Variants in CELSR2 observed in about 807,000 individuals in gnomAD.
CELSR2 encodes cadherin EGF LAG seven-pass G-type receptor 2, also known as EGF-like protein 2.
A neutral mutation model predicts 251.6 loss-of-function variants in CELSR2; 81 were observed. That is an observed-to-expected ratio of 0.32 (90% CI 0.27 to 0.39). CELSR2 has a LOEUF of 0.39. CELSR2 is among the 10% of genes least tolerant of loss of function. CELSR2 has a pLI of 1.00. For missense variants in CELSR2, 3,365 were observed against 3,947.7 expected, an observed-to-expected ratio of 0.85 and a Z score of 3.96; for synonymous variants, 1,721 against 1,670.5, an observed-to-expected ratio of 1.03 and a Z score of -0.74.
chr1:109,263,269 TAG>T lies in CELSR2; in HGVS notation c.4834+3_4834+4del, dbSNP rs750793029. The T allele has an allele frequency of 1.3e-6, 2 of 1,571,394 alleles. No homozygotes were observed. Among genetic ancestry groups the T allele is most frequent in the Non-Finnish European group, 1.7e-6 (2 of 1,151,540 alleles). ...TTGGGGGCAAGAGCTGCGCCCAGGG[TAG>T]GAGGGGCGGCTGTTAGAGGCCACAG... On this transcript the variant is annotated splice_donor_region_variant and intron_variant, in intron 8 of 33. Transcript: ENST00000271332.
rs1656428716 is a variant in CELSR2, at chr1:109,273,341, G to A, written c.8509+5G>A. ...CTTCTGCCCAGCCTCACAAAGGTGA[G>A]TGGGGCACCCCCAGCTGCCGAGCTC... On this transcript the variant is annotated splice_donor_5th_base_variant and intron_variant, in intron 32 of 33. Transcript: ENST00000271332. 2 of 1,600,642 alleles carry A rather than the reference G, an allele frequency of 1.2e-6. No individual in the cohort carries two copies. The highest frequency in any genetic ancestry group is 2.2e-5 in the South Asian group (2 of 88,980).
In CELSR2 at chr1:109,261,853, G is replaced by C; in HGVS notation, c.4343G>C (p.Ser1448Thr). The change falls in exon 5 of 34, where the codon AGT (serine) becomes ACT (threonine). Residue 1448 changes from serine (S) to threonine (T), a missense_variant. Physicochemically the swap from Ser to Thr is moderately conservative, Grantham distance 58. Around this residue, in one of 5 missense-constraint regions of CELSR2, gnomAD observed 2,093 missense variants for 2,382.8 expected, o/e 0.88. Transcript: ENST00000271332. This position sits in a 1 kb window ranked among gnomAD's most constrained non-coding sequence, Gnocchi z 4.8. Reference protein sequence around the residue: ...TVSPFVPGGVSDGQWHTVQLK... With the variant: ...TVSPFVPGGVTDGQWHTVQLK... ...TCCCCATTCGTGCCCGGAGGAGTCAGTGATGGCCAGTGGCATACGGTGCAG... is the reference window on the plus strand; with the variant it reads ...TCCCCATTCGTGCCCGGAGGAGTCACTGATGGCCAGTGGCATACGGTGCAG... 1 of 1,593,268 alleles carries C rather than the reference G, an allele frequency of 6.3e-7. No individual in the cohort carries two copies. Among genetic ancestry groups the C allele is most frequent in the Non-Finnish European group, 8.6e-7 (1 of 1,168,240 alleles).
rs1415287968 is a variant in CELSR2, at chr1:109,251,436, A to G, written c.1357A>G (p.Thr453Ala). 2 of 1,613,754 alleles carry G rather than the reference A, an allele frequency of 1.2e-6. No individual in the cohort carries two copies. Among genetic ancestry groups the G allele is most frequent in the Non-Finnish European group, 1.7e-6 (2 of 1,180,046 alleles). The stretch of plus-strand genomic sequence containing the variant: ...GGGACAGTTTTATCTGGATGCCCAG[A>G]CTGGAGCTCTGGATGTGGTGAGCCC... ...ARGQFYLDAQ[T>A]GALDVVSPLD... The change falls in exon 1 of 34, where the codon ACT becomes GCT. Residue 453 changes from threonine (T) to alanine (A), a missense_variant. Transcript: ENST00000271332. The surrounding 1 kb of genome is among the most constrained non-coding windows in gnomAD (Gnocchi z 4.9).
intron 12 of CELSR2, 43 bp downstream of exon 12, chr1:109,265,052 T>C: frequency 6.2e-7 from 1 of 1,613,112 alleles, no homozygotes; most frequent in Non-Finnish European, 8.5e-7. Flanking sequence ...CAGTGGCTGC[T>C]GCTTCTCTCT....
In CELSR2 at chr1:109,271,164, G is replaced by T. The variant is rs1282068672; in HGVS notation, c.7597-53G>T. The stretch of plus-strand genomic sequence containing the variant: ...TGAGGCCACGGGGCCCTGTGGGCTG[G>T]GTGGAAGCTGTTTGTCCCCACTGAG... On this transcript the variant is annotated intron_variant, in intron 25 of 33. Coordinates refer to ENST00000271332, the MANE Select transcript of CELSR2 (RefSeq NM_001408.3). The T allele has an allele frequency of 2.5e-6, 4 of 1,576,038 alleles. No homozygotes were observed. The East Asian group carries it at 9.0e-5, about 35-fold the overall frequency.
chr1:109,251,958 A>C lies in CELSR2; in HGVS notation c.1879A>C (p.Thr627Pro). The change falls in exon 1 of 34, where the codon ACC (threonine) becomes CCC (proline). Residue 627 changes from threonine (T) to proline (P), a missense_variant. Physicochemically the swap from Thr to Pro is conservative, Grantham distance 38 (BLOSUM62 -1). Coordinates refer to ENST00000271332, the MANE Select transcript of CELSR2 (RefSeq NM_001408.3). This position sits in a 1 kb window ranked among gnomAD's most constrained non-coding sequence, Gnocchi z 4.9. The stretch of plus-strand genomic sequence containing the variant: ...GCTCAATGAGGATGCAGCTGTGGGC[A>C]CCAGCGTGGTGACGGTGTCAGCTGT... ...VRLNEDAAVG[T>P]SVVTVSAVDR... 1 of 1,614,146 alleles carries C rather than the reference A, an allele frequency of 6.2e-7. No individual in the cohort carries two copies. Among genetic ancestry groups the C allele is most frequent in the Non-Finnish European group, 8.5e-7 (1 of 1,180,028 alleles).
Position 109,274,871 on chromosome 1 carries a change from C to T in CELSR2, c.*822C>T, listed in dbSNP as rs891744653. On this transcript the variant is annotated 3_prime_UTR_variant, in exon 34 of 34. Transcript: ENST00000271332. ...CTTCATTTTTCGTGCCCGCCCCGCG[C>T]CCCGGGCAGGCCAGTCATGTGTTAA... 1.3e-5 allele frequency: 2 copies of T among 151,336 alleles called. No homozygotes were observed. Among genetic ancestry groups the T allele is most frequent in the African/African-American group, 4.9e-5 (2 of 40,962 alleles). The allele number at this position is 151,336 out of a possible 1,614,324, so 9.4% of individuals were successfully genotyped here.
At position 109,261,973 on chromosome 1, in the gene CELSR2, T is replaced by A. The variant is rs1012630039; in HGVS notation, c.4386+77T>A. 3.5e-6 allele frequency: 5 copies of A among 1,441,656 alleles called. No homozygotes were observed. In the African/African-American group the frequency reaches 5.6e-5, roughly 16 times the overall value. The allele number at this position is 1,441,656 out of a possible 1,614,324, so 89.3% of individuals were successfully genotyped here. A position where few individuals can be genotyped will look rare whatever the true frequency, so the allele number is the denominator to read the frequency against. On this transcript the variant is annotated intron_variant, in intron 5 of 33. Coordinates refer to ENST00000271332, the MANE Select transcript of CELSR2 (RefSeq NM_001408.3). The surrounding 1 kb of genome is among the most constrained non-coding windows in gnomAD (Gnocchi z 4.8). The stretch of plus-strand genomic sequence containing the variant: ...TTACCCAGCCCTGAGTGGCATTGCC[T>A]CCAGGCTTGGGTGGGCTGGTCAGGG...
chr1:109,271,257 G>A lies in CELSR2; in HGVS notation c.7637G>A (p.Cys2546Tyr), dbSNP rs748288586. ...TACATCCTGGCGGCCCGGGCCTCCT[G>A]TGCTGCCCAGCGGCAGGGCTTTGAG... ...FLYILAARASCAAQRQGFEKK... is the reference protein window; with the variant it reads ...FLYILAARASYAAQRQGFEKK... The change falls in exon 26 of 34, where the codon TGT (cysteine) becomes TAT (tyrosine). Residue 2546 changes from cysteine (C) to tyrosine (Y), a missense_variant. Cys to Tyr is a radical substitution (Grantham distance 194, BLOSUM62 -2). Around this residue, in one of 5 missense-constraint regions of CELSR2, gnomAD observed 2,093 missense variants for 2,382.8 expected, o/e 0.88. Coordinates refer to ENST00000271332, the MANE Select transcript of CELSR2 (RefSeq NM_001408.3). 6.2e-7 allele frequency: 1 copy of A among 1,614,074 alleles called. No homozygotes were observed.
Position 109,271,199 on chromosome 1 carries a change from C to CCCTCTGCCCCTG in CELSR2, c.7597-14_7597-3dup, listed in dbSNP as rs778878271. 2 of 1,611,976 alleles carry CCCTCTGCCCCTG rather than the reference C, an allele frequency of 1.2e-6. No homozygotes were observed. Among genetic ancestry groups the CCCTCTGCCCCTG allele is most frequent in the South Asian group, 2.2e-5 (2 of 91,030 alleles). On this transcript the variant is annotated splice_polypyrimidine_tract_variant and intron_variant, in intron 25 of 33. Coordinates refer to ENST00000271332, the MANE Select transcript of CELSR2 (RefSeq NM_001408.3). ...GTTTGTCCCCACTGAGCACCCCATG[C>CCCTCTGCCCCTG]CCTCTGCCCCTGCCTAGATGAGTGT...
Position 109,261,188 on chromosome 1 carries a change from A to C in CELSR2, c.4105A>C (p.Thr1369Pro). 6.2e-7 allele frequency: 1 copy of C among 1,614,114 alleles called. No individual in the cohort carries two copies. Among genetic ancestry groups the C allele is most frequent in the Non-Finnish European group, 8.5e-7 (1 of 1,180,016 alleles). The change falls in exon 3 of 34, where the codon ACG becomes CCG. Residue 1369 changes from threonine to proline, a missense_variant. By Grantham distance (38) the Thr-to-Pro change is conservative. Coordinates refer to ENST00000271332, the MANE Select transcript of CELSR2 (RefSeq NM_001408.3). This position sits in a 1 kb window ranked among gnomAD's most constrained non-coding sequence, Gnocchi z 4.8. ...DFEKPYCQVT[T>P]RSFPAHSFIT... ...CGAGAAGCCCTACTGCCAGGTGACCACGCGCAGCTTCCCCGCCCACTCCTT... is the reference window on the plus strand; with the variant it reads ...CGAGAAGCCCTACTGCCAGGTGACCCCGCGCAGCTTCCCCGCCCACTCCTT...
intron 17 of CELSR2, 52 bp downstream of exon 17, chr1:109,268,112 T>C: frequency 6.4e-7 from 1 of 1,551,994 alleles, no homozygotes; most frequent in East Asian, 2.3e-5. Context: ...TCATGGTGAG[T>C]GAGCCTGCTC....
At position 109,250,162 on chromosome 1, in the gene CELSR2, C is replaced by A; in HGVS notation, c.83C>A (p.Pro28Gln). The stretch of plus-strand genomic sequence containing the variant: ...CTGTTGCTGCTGCTGCTGCCGCCGC[C>A]ACTATTGGGAGACCAAGTGGGGCCC... ...LLLLLLLLPPPLLGDQVGPCR... is the reference protein window; with the variant it reads ...LLLLLLLLPPQLLGDQVGPCR... Residue 28 changes from proline (P) to glutamine (Q), a missense_variant, in exon 1 of 34, where the codon CCA becomes CAA. By Grantham distance (76) the Pro-to-Gln change is moderately conservative (BLOSUM62 -1). This residue lies in a region of CELSR2 where 704 missense variants were observed against 784.1 expected (regional missense o/e 0.90). Coordinates refer to ENST00000271332, the MANE Select transcript of CELSR2 (RefSeq NM_001408.3). This position sits in a 1 kb window ranked among gnomAD's most constrained non-coding sequence, Gnocchi z 4.4. 2 of 1,598,324 alleles carry A rather than the reference C, an allele frequency of 1.3e-6. No homozygotes were observed. Among genetic ancestry groups the A allele is most frequent in the Non-Finnish European group, 1.7e-6 (2 of 1,174,636 alleles).
rs758092786 is a variant in CELSR2 at position 109,251,037 on chromosome 1, C to T, written c.958C>T (p.Pro320Ser). 4 of 1,613,512 alleles carry T rather than the reference C, an allele frequency of 2.5e-6. No homozygotes were observed. Among genetic ancestry groups the T allele is most frequent in the Non-Finnish European group, 2.5e-6 (3 of 1,179,948 alleles). ...CAGGGCCACGGATGGTGATGCCCCT[C>T]CCAATGCCAATATTCTGTACCGCCT... ...TVRATDGDAP[P>S]NANILYRLLE... The change falls in exon 1 of 34, where the codon CCC (proline) becomes TCC (serine). Residue 320 changes from proline to serine, a missense_variant. Transcript: ENST00000271332. The surrounding 1 kb of genome is among the most constrained non-coding windows in gnomAD (Gnocchi z 4.9).
chr1:109,258,699 C>T lies in CELSR2; in HGVS notation c.3578C>T (p.Pro1193Leu). ...VSLSVGQPPG[P>L]GGGPPFLPSE... Reference sequence around the variant, plus strand: ...CTGTCGGTGGGCCAGCCGCCAGGGCCCGGGGGCGGGCCGCCCTTCCTGCCC... The same window carrying T: ...CTGTCGGTGGGCCAGCCGCCAGGGCTCGGGGGCGGGCCGCCCTTCCTGCCC... The change falls in exon 2 of 34, where the codon CCC becomes CTC. Residue 1193 changes from proline (P) to leucine (L), a missense_variant. Physicochemically the swap from Pro to Leu is moderately conservative, Grantham distance 98 (BLOSUM62 -3). Coordinates refer to ENST00000271332, the MANE Select transcript of CELSR2 (RefSeq NM_001408.3). 6.5e-7 allele frequency: 1 copy of T among 1,550,008 alleles called. No individual in the cohort carries two copies. The highest frequency in any genetic ancestry group is 8.7e-7 in the Non-Finnish European group (1 of 1,146,478).
In CELSR2 at chr1:109,275,398, C is replaced by G. The variant is rs1378668602; in HGVS notation, c.*1349C>G. ...TTTTCATCTGAGTCACCATTTACTCCAAGCATGTATTCCAGACTTGTCACT... is the reference window on the plus strand; with the variant it reads ...TTTTCATCTGAGTCACCATTTACTCGAAGCATGTATTCCAGACTTGTCACT... On this transcript the variant is annotated 3_prime_UTR_variant, in exon 34 of 34. Coordinates refer to ENST00000271332, the MANE Select transcript of CELSR2 (RefSeq NM_001408.3). 2.0e-5 allele frequency: 3 copies of G among 152,196 alleles called. No homozygotes were observed. The highest frequency in any genetic ancestry group is 2.9e-5 in the Non-Finnish European group (2 of 68,062). The allele number at this position is 152,196 out of a possible 1,614,324, so 9.4% of individuals were successfully genotyped here. A position where few individuals can be genotyped will look rare whatever the true frequency, so the allele number is the denominator to read the frequency against.
intron 2 of CELSR2, among the ~76,000 whole-genome samples, 187 bp from the exon 3 acceptor site, chr1:109,260,855 A>T (rs80115741): frequency 6.6e-6 from 1 of 152,132 alleles, no homozygotes; most frequent in Admixed American, 6.5e-5. Flanking sequence ...CAGGGTGCCC[A>T]TGAAGGGCTG....
rs780995915 is a variant in CELSR2 at position 109,252,315 on chromosome 1, C to A, written c.2236C>A (p.Arg746Ser). Reference sequence around the variant, plus strand: ...GGATGAGGACACAGGTGAGAATGCCCGCATCACCTACTTCATGGAGGACAG... The same window carrying A: ...GGATGAGGACACAGGTGAGAATGCCAGCATCACCTACTTCATGGAGGACAG... Reference protein sequence around the residue: ...ATDEDTGENARITYFMEDSIP... With the variant: ...ATDEDTGENASITYFMEDSIP... The change falls in exon 1 of 34, where the codon CGC (arginine) becomes AGC (serine). Residue 746 changes from arginine to serine, a missense_variant. By Grantham distance (110) the Arg-to-Ser change is moderately radical. Transcript: ENST00000271332. This position sits in a 1 kb window ranked among gnomAD's most constrained non-coding sequence, Gnocchi z 4.8. The A allele has an allele frequency of 6.2e-7, 1 of 1,613,122 alleles. No homozygotes were observed.
chr1:109,256,132 A>G (rs1031829722), intron 1 of CELSR2, among the ~76,000 whole-genome samples: 1 of 152,206 alleles, frequency 6.6e-6, no homozygotes, highest in African/African-American at 2.4e-5. Flanking sequence ...TACCAGGTAT[A>G]CAAGAGCTCT....
Sources: gnomAD v4.1 joint callset for allele counts (sites outside exome capture counted in the v4.1 genomes callset) on GRCh38, gnomAD v4.1.1 for gene constraint, gnomAD v4.1.1 regional missense constraint, Gnocchi (gnomAD v3.1) non-coding constraint, MANE v1.5 for transcripts, NCBI Gene and HGNC (gene_info 2026-07-23, HGNC 2026-07-21) for gene names.